TBC1D22A: variants seen among roughly 807,000 people sequenced by gnomAD.
TBC1D22A encodes the protein putative GTPase activator.
In TBC1D22A, 38 loss-of-function variants were observed where a neutral mutation model predicts 60.2. The ratio of observed to expected loss-of-function variants is 0.63; its 90% confidence interval spans 0.49 to 0.83. TBC1D22A has a LOEUF of 0.83. TBC1D22A is among the 40% of genes least tolerant of loss of function. The pLI is 0.00. For synonymous variants in TBC1D22A, 302 were observed against 281.7 expected (o/e 1.07, Z -0.72); for missense variants, 628 against 701.0 (o/e 0.90, Z 1.18).
Position 47,174,054 on chromosome 22 carries a change from G to A in TBC1D22A, c.*428G>A, listed in dbSNP as rs879144497. The stretch of plus-strand genomic sequence containing the variant: ...CTCTGAAATGCAAAACTTCTATTCT[G>A]TTGAGTGAAAGAATAAAATGTAGAC... On this transcript the variant is annotated 3_prime_UTR_variant, in exon 13 of 13. Coordinates refer to ENST00000337137, the MANE Select transcript of TBC1D22A (RefSeq NM_014346.5). 6.1e-6 allele frequency: 1 copy of A among 165,146 alleles called. No homozygotes were observed. The highest frequency in any genetic ancestry group is 5.9e-5 in the Admixed American group (1 of 16,826). The allele number at this position is 165,146 out of a possible 1,614,324, so 10.2% of individuals were successfully genotyped here. A position where few individuals can be genotyped will look rare whatever the true frequency, so the allele number is the denominator to read the frequency against.
chr22:46,780,746 C>G (rs980015790), intron 1 of TBC1D22A, among the ~76,000 whole-genome samples: 2 of 152,158 alleles, frequency 1.3e-5, no homozygotes, highest in Non-Finnish European at 2.9e-5. Context: ...CAGCCCGGGC[C>G]TGGTGTGGAG....
chr22:46,888,333 G>T (rs555399211), intron 5 of TBC1D22A, among the ~76,000 whole-genome samples: 1 of 152,358 alleles, frequency 6.6e-6, no homozygotes, highest in Admixed American at 6.5e-5. Flanking sequence ...TCAGGGCTCT[G>T]TTCGAGCAAG....
intron 11 of TBC1D22A, among the ~76,000 whole-genome samples, chr22:47,080,877 C>T (rs1005189487): frequency 6.6e-6 from 1 of 152,074 alleles, no homozygotes; most frequent in Non-Finnish European, 1.5e-5. Context: ...AATCCCAGCA[C>T]TTTGGGAGGC....
chr22:46,899,313 G>C (rs2068852875), intron 7 of TBC1D22A, among the ~76,000 whole-genome samples: 1 of 152,110 alleles, frequency 6.6e-6, no homozygotes, highest in East Asian at 1.9e-4. Context: ...CAGGCGTGGT[G>C]GGGCGTACCT....
At chr22:46,785,442 T>G (rs188650914) in intron 1 of TBC1D22A, among the ~76,000 whole-genome samples, 3 of 152,368 alleles carry the variant, frequency 2.0e-5, no homozygotes, top group Non-Finnish European at 2.9e-5. Context: ...GAGATACAGA[T>G]AGAACACAAT....
rs563194180 is a variant in TBC1D22A, at chr22:47,163,123, C to A, written c.1426-10375C>A. Among the ~76,000 whole-genome samples, 151 of 152,334 alleles carry A rather than the reference C, an allele frequency of 9.9e-4. No homozygotes were observed. In the Middle Eastern group the frequency reaches 0.014, roughly 14 times the overall value. ...TGGCCAGGGTGGGCAGGTTTGCCTC[C>A]CCTGTGGTTCCTTTTCCAACAAGCA... is the stretch of plus-strand genomic sequence containing the variant. On this transcript the variant is annotated intron_variant, in intron 12 of 12. Transcript: ENST00000337137.
At chr22:47,097,148 G>A (rs751864798) in intron 11 of TBC1D22A, among the ~76,000 whole-genome samples, 6 of 152,266 alleles carry the variant, frequency 3.9e-5, no homozygotes, top group South Asian at 2.1e-4. Flanking sequence ...CCTAGGCCAC[G>A]TGGCCTCCAT....
chr22:47,029,072 AG>A (rs1405791858), intron 10 of TBC1D22A, among the ~76,000 whole-genome samples: 4 of 152,214 alleles, frequency 2.6e-5, no homozygotes, highest in African/African-American at 9.6e-5. Flanking sequence ...GACTCAAGAA[AG>A]CCAGTGATTA....
At chr22:47,120,497 C>G (rs1250335555) in intron 12 of TBC1D22A, among the ~76,000 whole-genome samples, 1 of 152,190 alleles carries the variant, frequency 6.6e-6, no homozygotes, top group Non-Finnish European at 1.5e-5. Flanking sequence ...AGTAAGCCAG[C>G]CCTAGAACTA....
chr22:46,854,560 C>T (rs762594397), intron 4 of TBC1D22A, among the ~76,000 whole-genome samples: 5 of 151,956 alleles, frequency 3.3e-5, no homozygotes, highest in Admixed American at 1.3e-4. Context: ...TTGTTGTTTC[C>T]GGATGTTCTC....
chr22:46,847,720 C>T (rs1012977110), intron 4 of TBC1D22A, among the ~76,000 whole-genome samples: 2 of 152,230 alleles, frequency 1.3e-5, no homozygotes, highest in Non-Finnish European at 2.9e-5. Context: ...ATGTACAAAA[C>T]AACCCTGTAG....
rs138455869 is a variant in TBC1D22A, at chr22:47,137,028, G to A, written c.1425+25425G>A. On this transcript the variant is annotated intron_variant, in intron 12 of 12. Transcript: ENST00000337137. The stretch of plus-strand genomic sequence containing the variant: ...GGCCCTGGCTACGTCTTCACTCGGC[G>A]CGGGCAAAGAAGAAAGTAAAATAAG... Among the ~76,000 whole-genome samples, 624 of 152,270 alleles carry A rather than the reference G, an allele frequency of 4.1e-3. 7 individuals carry two copies. Among genetic ancestry groups the A allele is most frequent in the South Asian group, 0.034 (163 of 4,818 alleles).
At chr22:47,156,472 C>T (rs1169432897) in intron 12 of TBC1D22A, among the ~76,000 whole-genome samples, 1 of 152,190 alleles carries the variant, frequency 6.6e-6, no homozygotes, top group East Asian at 1.9e-4. Context: ...GCGGCCGTCT[C>T]CTCCCTCGGA....
intron 11 of TBC1D22A, among the ~76,000 whole-genome samples, chr22:47,093,318 C>T (rs182732886): frequency 4.7e-4 from 72 of 152,276 alleles, no homozygotes; most frequent in African/African-American, 1.6e-3. Flanking sequence ...TGGATCTCTC[C>T]TCAGGCCCTT....
chr22:47,151,228 G>T (rs934037011), intron 12 of TBC1D22A, among the ~76,000 whole-genome samples: 1 of 152,204 alleles, frequency 6.6e-6, no homozygotes, highest in African/African-American at 2.4e-5. Context: ...GCTGCGTGGT[G>T]TGGGGTTCTG....
intron 4 of TBC1D22A, among the ~76,000 whole-genome samples, chr22:46,802,027 T>C (rs1601923552): frequency 6.6e-6 from 1 of 152,116 alleles, no homozygotes; most frequent in East Asian, 1.9e-4. Context: ...GGCCTTGGAG[T>C]AGGCCCTCAG....
intron 4 of TBC1D22A, among the ~76,000 whole-genome samples, chr22:46,838,799 A>C (rs1232988504): frequency 6.6e-6 from 1 of 152,256 alleles, no homozygotes; most frequent in African/African-American, 2.4e-5. Flanking sequence ...AGAATGAAGG[A>C]GAAAAATTAT....
intron 11 of TBC1D22A, among the ~76,000 whole-genome samples, chr22:47,091,261 GTT>G (rs2064948708): frequency 7.7e-6 from 1 of 130,534 alleles, no homozygotes; most frequent in East Asian, 2.6e-4. Flanking sequence ...CCTCGCAGAG[GTT>G]GTGGCTGCTT....
chr22:47,082,875 T>C (rs2064526409), intron 11 of TBC1D22A, among the ~76,000 whole-genome samples: 1 of 152,194 alleles, frequency 6.6e-6, no homozygotes, highest in Non-Finnish European at 1.5e-5. Flanking sequence ...GAACTGAACA[T>C]TTATGTCCAC....
Sources: gnomAD v4.1 joint callset for allele counts (sites outside exome capture counted in the v4.1 genomes callset) on GRCh38, gnomAD v4.1.1 for gene constraint, MANE v1.5 for transcripts, NCBI Gene and HGNC (gene_info 2026-07-23, HGNC 2026-07-21) for gene names.